The following ZNF831 variants were observed in gnomAD, a reference collection of about 807,000 sequenced individuals.
The protein encoded by ZNF831 is chromosome 20 open reading frame 174.
ZNF831 carries 59 observed loss-of-function variants against 95.8 expected under a neutral mutation model. The ratio of observed to expected loss-of-function variants is 0.62; its 90% confidence interval spans 0.50 to 0.77. The LOEUF (loss-of-function observed/expected upper bound fraction) is 0.77, where lower values mean the gene tolerates loss of function less well. Ranked by LOEUF, ZNF831 falls within the 30% of genes least tolerant of loss-of-function variation. ZNF831 has a pLI of 0.00. For missense variants in ZNF831, 2,205 were observed against 2,164.0 expected, an observed-to-expected ratio of 1.02 and a Z score of -0.38; for synonymous variants, 961 against 925.5, an observed-to-expected ratio of 1.04 and a Z score of -0.70.
intron 4 of ZNF831, among the ~76,000 whole-genome samples, chr20:59,246,194 C>T (rs941804143): frequency 1.6e-4 from 24 of 152,244 alleles, no homozygotes; most frequent in East Asian, 3.9e-4. Context: ...GGGGTCTCTC[C>T]AGAGCCCTCT....
intron 5 of ZNF831, 44 bp from the exon 6 acceptor site, chr20:59,253,854 T>C: frequency 7.5e-7 from 1 of 1,334,438 alleles, no homozygotes; most frequent in Non-Finnish European, 9.9e-7. Context: ...TTGTACCAAT[T>C]AACCTCCCCC....
chr20:59,172,211 G>A (rs148393405), intron 1 of ZNF831, among the ~76,000 whole-genome samples: 3 of 152,222 alleles, frequency 2.0e-5, no homozygotes, highest in African/African-American at 4.8e-5. Context: ...CTTTCCCTCC[G>A]AGGGACAACG....
At chr20:59,182,603 G>A (rs997840786) in intron 1 of ZNF831, among the ~76,000 whole-genome samples, 3 of 152,006 alleles carry the variant, frequency 2.0e-5, no homozygotes, top group South Asian at 2.1e-4. Context: ...ATCTGCAACC[G>A]ATTGACCATC....
chr20:59,256,850 AG>A lies in ZNF831; in HGVS notation c.*2110del. ...TTTTTTCCCCAGAGTTCCAGATTTTAGGGTGCAATCATCCAGCCTATACATG... is the reference window on the plus strand; with the variant it reads ...TTTTTTCCCCAGAGTTCCAGATTTTAGGTGCAATCATCCAGCCTATACATG... On this transcript the variant is annotated 3_prime_UTR_variant, in exon 6 of 6. Coordinates refer to ENST00000371030, the MANE Select transcript of ZNF831 (RefSeq NM_178457.3). 1 of 152,366 alleles carries A rather than the reference AG, an allele frequency of 6.6e-6. No individual in the cohort carries two copies. Among genetic ancestry groups the A allele is most frequent in the Middle Eastern group, 3.4e-3 (1 of 294 alleles). The allele number at this position is 152,366 out of a possible 1,614,324, so 9.4% of individuals were successfully genotyped here.
At chr20:59,223,081 G>A (rs1986205417) in intron 4 of ZNF831, among the ~76,000 whole-genome samples, 1 of 152,118 alleles carries the variant, frequency 6.6e-6, no homozygotes, top group Non-Finnish European at 1.5e-5. Flanking sequence ...TCACGAAGAG[G>A]GGAGGCAGGA....
chr20:59,229,429 T>A (rs1986609624), intron 4 of ZNF831, among the ~76,000 whole-genome samples: 1 of 152,150 alleles, frequency 6.6e-6, no homozygotes, highest in Admixed American at 6.5e-5. Flanking sequence ...ATCTGAGGCA[T>A]GGGAAAATCA....
chr20:59,254,157 A>G lies in ZNF831; in HGVS notation c.4448A>G (p.His1483Arg), dbSNP rs1600694613. The change falls in exon 6 of 6, where the codon CAC becomes CGC. Residue 1483 changes from histidine to arginine, a missense_variant. His to Arg is a conservative substitution (Grantham distance 29). Transcript: ENST00000371030. This position sits in a 1 kb window ranked among gnomAD's most constrained non-coding sequence, Gnocchi z 4.5. ...TTTGGGTCCAAAGGAACTTTTCCCC[A>G]CCATGACATTGCTACCTCTGTGGCT... ...SSFGSKGTFPHHDIATSVAAV... is the reference protein window; with the variant it reads ...SSFGSKGTFPRHDIATSVAAV... 2 of 1,613,774 alleles carry G rather than the reference A, an allele frequency of 1.2e-6. No homozygotes were observed. Among genetic ancestry groups the G allele is most frequent in the South Asian group, 1.1e-5 (1 of 91,074 alleles).
At chr20:59,223,659 A>G (rs1986247286) in intron 4 of ZNF831, among the ~76,000 whole-genome samples, 1 of 152,220 alleles carries the variant, frequency 6.6e-6, no homozygotes, top group Non-Finnish European at 1.5e-5. Context: ...TAGTAACACT[A>G]CACAAAATAT....
chr20:59,197,979 A>G (rs1201191748), intron 3 of ZNF831, among the ~76,000 whole-genome samples: 1 of 152,246 alleles, frequency 6.6e-6, no homozygotes, highest in Admixed American at 6.5e-5. Flanking sequence ...GCCTCCAGGC[A>G]TCATTGGAAA....
chr20:59,214,032 A>G (rs903079114), intron 4 of ZNF831, among the ~76,000 whole-genome samples: 21 of 152,188 alleles, frequency 1.4e-4, no homozygotes, highest in Non-Finnish European at 2.9e-5. Context: ...CTGCAAATCT[A>G]TCATAAGGGT....
intron 4 of ZNF831, among the ~76,000 whole-genome samples, chr20:59,209,054 AAGAC>A (rs1985107919): frequency 1.3e-5 from 2 of 152,252 alleles, no homozygotes; most frequent in South Asian, 4.2e-4. Context: ...GTACAGGACA[AAGAC>A]AGACAGACTG....
rs115453488 is a variant in ZNF831 at position 59,204,663 on chromosome 20, G to C, written c.3876-2242G>C. 9.0e-3 allele frequency among the ~76,000 whole-genome samples: 1,378 copies of C among 152,308 alleles called. 29 individuals carry two copies. Among genetic ancestry groups the C allele is most frequent in the African/African-American group, 0.032 (1,334 of 41,564 alleles). On this transcript the variant is annotated intron_variant, in intron 3 of 5. Coordinates refer to ENST00000371030, the MANE Select transcript of ZNF831 (RefSeq NM_178457.3). ...GCAAGAGCCACTCCTTGGGTCTACTGTCCTTCCCTGAGAGAGCCTGACAAA... is the reference window on the plus strand; with the variant it reads ...GCAAGAGCCACTCCTTGGGTCTACTCTCCTTCCCTGAGAGAGCCTGACAAA...
intron 4 of ZNF831, among the ~76,000 whole-genome samples, chr20:59,224,125 G>C (rs1263944736): frequency 6.6e-6 from 1 of 152,230 alleles, no homozygotes; most frequent in Non-Finnish European, 1.5e-5. Flanking sequence ...CTCGCACCAG[G>C]AGGCCTTCAG....
intron 1 of ZNF831, among the ~76,000 whole-genome samples, chr20:59,143,187 C>T (rs1378824464): frequency 1.3e-5 from 2 of 152,250 alleles, no homozygotes; most frequent in Non-Finnish European, 2.9e-5. Context: ...GTGTGAGCCA[C>T]TGCACCTGGC....
At chr20:59,136,123 C>T (rs766285675) in intron 1 of ZNF831, among the ~76,000 whole-genome samples, 2 of 152,136 alleles carry the variant, frequency 1.3e-5, no homozygotes, top group Non-Finnish European at 2.9e-5. Context: ...AATACATTGT[C>T]AAGGTCTAGA....
chr20:59,254,681 A>G lies in ZNF831; in HGVS notation c.4972A>G (p.Thr1658Ala), dbSNP rs1210501260. ...GAGTCTGGAAGGAATGAGAAAGCAA[A>G]CTCGAGTAGAGTTCAGTGACACCAG... Reference protein sequence around the residue: ...KRSLEGMRKQTRVEFSDTSSD... With the variant: ...KRSLEGMRKQARVEFSDTSSD... The change falls in exon 6 of 6, where the codon ACT (threonine) becomes GCT (alanine). Residue 1658 changes from threonine (T) to alanine (A), a missense_variant. Thr to Ala is a moderately conservative substitution (Grantham distance 58). Transcript: ENST00000371030. The surrounding 1 kb of genome is among the most constrained non-coding windows in gnomAD (Gnocchi z 4.5). 1 of 1,614,110 alleles carries G rather than the reference A, an allele frequency of 6.2e-7. No individual in the cohort carries two copies. The highest frequency in any genetic ancestry group is 1.1e-5 in the South Asian group (1 of 91,070).
chr20:59,138,547 G>T (rs904768131), intron 1 of ZNF831, among the ~76,000 whole-genome samples: 1 of 152,108 alleles, frequency 6.6e-6, no homozygotes, highest in African/African-American at 2.4e-5. Context: ...AAATATTTTT[G>T]GTTTTTCTCA....
intron 1 of ZNF831, among the ~76,000 whole-genome samples, chr20:59,186,281 G>A (rs1362108937): frequency 6.6e-6 from 1 of 152,078 alleles, no homozygotes; most frequent in Non-Finnish European, 1.5e-5. Context: ...CTTTTCTCAG[G>A]AACCCACCCC....
In ZNF831 at chr20:59,208,955, G is replaced by A. The variant is rs570053909; in HGVS notation, c.4027+1899G>A. On this transcript the variant is annotated intron_variant, in intron 4 of 5. Coordinates refer to ENST00000371030, the MANE Select transcript of ZNF831 (RefSeq NM_178457.3). This position sits in a 1 kb window ranked among gnomAD's most constrained non-coding sequence, Gnocchi z 4.2. The stretch of plus-strand genomic sequence containing the variant: ...AATGGAGCTGCTCCTGGAACTCCCC[G>A]TCAGCCTCCCTGCTTAGCTCCCCAG... Among the ~76,000 whole-genome samples the A allele has an allele frequency of 3.9e-5, 6 of 152,184 alleles. No individual in the cohort carries two copies. The highest frequency in any genetic ancestry group is 4.2e-4 in the South Asian group (2 of 4,816).
Sources: gnomAD v4.1 joint callset for allele counts (sites outside exome capture counted in the v4.1 genomes callset) on GRCh38, gnomAD v4.1.1 for gene constraint, Gnocchi (gnomAD v3.1) non-coding constraint, MANE v1.5 for transcripts, NCBI Gene and HGNC (gene_info 2026-07-23, HGNC 2026-07-21) for gene names.